The following ZNF875 variants were observed in gnomAD, a reference collection of about 807,000 sequenced individuals.
The protein encoded by ZNF875 is HKR1, GLI-Kruppel zinc finger family member.
A neutral mutation model predicts 11.2 loss-of-function variants in ZNF875; 14 were observed. That is an observed-to-expected ratio of 1.26 (90% CI 0.83 to 1.96). The LOEUF (loss-of-function observed/expected upper bound fraction) is 1.96. Among genes scored for constraint, ZNF875 ranks in the 30% most tolerant of loss-of-function variants. ZNF875 has a pLI of 0.00. For synonymous variants in ZNF875, 301 were observed against 281.1 expected, an observed-to-expected ratio of 1.07 and a Z score of -0.71; for missense variants, 752 against 760.4, an observed-to-expected ratio of 0.99 and a Z score of 0.13.
intron 4 of ZNF875, among the ~76,000 whole-genome samples, chr19:37,325,240 C>T (rs377121367): frequency 3.3e-5 from 5 of 152,156 alleles, no homozygotes; most frequent in Non-Finnish European, 5.9e-5. Context: ...CGTCCACACC[C>T]GAATCTCCTG....
chr19:37,320,447 T>C (rs566272662), intron 1 of ZNF875, among the ~76,000 whole-genome samples: 23 of 152,366 alleles, frequency 1.5e-4, no homozygotes, highest in Admixed American at 6.5e-4. Context: ...GATGTGCTAC[T>C]TGCTATTGTT....
In ZNF875 at chr19:37,327,072, A is replaced by C. The variant is rs181102375; in HGVS notation, c.-603+2807A>C. 2.0e-3 allele frequency among the ~76,000 whole-genome samples: 308 copies of C among 151,556 alleles called. 3 individuals are homozygous for C. The highest frequency in any genetic ancestry group is 7.0e-3 in the African/African-American group (290 of 41,276). On this transcript the variant is annotated intron_variant, in intron 4 of 5. Transcript: ENST00000544914. The stretch of plus-strand genomic sequence containing the variant: ...CAATGGCAGGTCTCGGATCCCTGCA[A>C]CCTCTGCCTCCTGGGTCCAAGCAGT...
In ZNF875 at chr19:37,362,181, A is replaced by G. The variant is rs1398773150; in HGVS notation, c.329A>G (p.His110Arg). 2 of 1,614,110 alleles carry G rather than the reference A, an allele frequency of 1.2e-6. No individual in the cohort carries two copies. The highest frequency in any genetic ancestry group is 1.7e-6 in the Non-Finnish European group (2 of 1,179,996). Residue 110 changes from histidine (H) to arginine (R), a missense_variant, in exon 5 of 5, where the codon CAT (histidine) becomes CGT (arginine). By Grantham distance (29) the His-to-Arg change is conservative. Transcript: ENST00000392153. ...TCCAGTCAGCAAGCTCTCAGCCAACATGTGTGGCTGAGTCATCTCTCTCAG... is the reference window on the plus strand; with the variant it reads ...TCCAGTCAGCAAGCTCTCAGCCAACGTGTGTGGCTGAGTCATCTCTCTCAG... ...IFSSQQALSQHVWLSHLSQLF... is the reference protein window; with the variant it reads ...IFSSQQALSQRVWLSHLSQLF...
upstream of ZNF875, among the ~76,000 whole-genome samples, chr19:37,313,963 T>G (rs2030071456): frequency 6.6e-6 from 1 of 152,220 alleles, no homozygotes; most frequent in South Asian, 2.1e-4. Context: ...TCACAATTCT[T>G]ATAACTCAGA....
At chr19:37,341,678 T>C (rs1354501653) in intron 2 of ZNF875, among the ~76,000 whole-genome samples, 5 of 152,124 alleles carry the variant, frequency 3.3e-5, no homozygotes, top group Non-Finnish European at 5.9e-5. Flanking sequence ...ACCCTTACCA[T>C]GTGCAAGATT....
intron 2 of ZNF875, among the ~76,000 whole-genome samples, chr19:37,342,436 A>T (rs548558442): frequency 1.4e-5 from 2 of 139,802 alleles, no homozygotes; most frequent in East Asian, 4.2e-4. Context: ...TTTTGAGATG[A>T]AGTTTCACTC....
intron 4 of ZNF875, 39 bp downstream of exon 4, chr19:37,347,911 C>T: frequency 8.3e-7 from 1 of 1,199,048 alleles, no homozygotes; most frequent in Non-Finnish European, 1.2e-6. Flanking sequence ...TAATCCACAG[C>T]TTGGCAGATA....
chr19:37,358,129 T>C (rs1326218201), intron 4 of ZNF875: 1 of 304,938 alleles, frequency 3.3e-6, no homozygotes, highest in African/African-American at 2.2e-5. Context: ...TCTATTAAGA[T>C]GATCTTTTTT....
At chr19:37,326,368 C>T (rs2032436190) in intron 4 of ZNF875, among the ~76,000 whole-genome samples, 1 of 152,138 alleles carries the variant, frequency 6.6e-6, no homozygotes, top group South Asian at 2.1e-4. Flanking sequence ...CTGTGACTAT[C>T]GTGTCCCTCC....
At chr19:37,325,853 A>T (rs551409600) in intron 4 of ZNF875, among the ~76,000 whole-genome samples, 1 of 152,008 alleles carries the variant, frequency 6.6e-6, no homozygotes, top group Non-Finnish European at 1.5e-5. Flanking sequence ...GACCACAAAC[A>T]TGTGCCACCA....
At chr19:37,315,390 A>C (rs2030137548), upstream of ZNF875, 1 of 152,240 alleles carries the variant, frequency 6.6e-6, no homozygotes, top group African/African-American at 2.4e-5. Context: ...CAAGGTTTTT[A>C]TACATATTTT....
Position 37,347,191 on chromosome 19 carries a change from C to T in ZNF875, c.35C>T (p.Ala12Val), listed in dbSNP as rs770179132. 8 of 1,613,780 alleles carry T rather than the reference C, an allele frequency of 5.0e-6. No homozygotes were observed. The South Asian group carries it at 6.6e-5, about 13-fold the overall frequency. The change falls in exon 3 of 5, where the codon GCG (alanine) becomes GTG (valine). Residue 12 changes from alanine to valine, a missense_variant and splice_region_variant. Coordinates refer to ENST00000392153, the MANE Select transcript of ZNF875 (RefSeq NM_001353803.2). ...GCAGAGGTGTGTTTTGTGTTAAAGG[C>T]GTTCGTGGCATTCAGGGATGTGGCT... is the stretch of plus-strand genomic sequence containing the variant. ...ATGLLRAKKE[A>V]FVAFRDVAVY...
intron 4 of ZNF875, among the ~76,000 whole-genome samples, chr19:37,327,165 G>A (rs560242917): frequency 5.9e-5 from 9 of 151,746 alleles, no homozygotes; most frequent in African/African-American, 2.2e-4. Flanking sequence ...GCTAATTTTT[G>A]TATTTTTAGT....
intron 4 of ZNF875, among the ~76,000 whole-genome samples, chr19:37,326,537 G>A (rs2032469310): frequency 1.3e-5 from 2 of 151,558 alleles, no homozygotes; most frequent in Non-Finnish European, 2.9e-5. Context: ...TTTTGTCTTG[G>A]TTGGGTATTT....
rs1284087183 is a variant in ZNF875, at chr19:37,363,602, G to T, written c.1750G>T (p.Gly584Trp). 2 of 1,613,800 alleles carry T rather than the reference G, an allele frequency of 1.2e-6. No homozygotes were observed. The highest frequency in any genetic ancestry group is 1.7e-5 in the Admixed American group (1 of 59,990). The change falls in exon 5 of 5, where the codon GGG (glycine) becomes TGG (tryptophan). Residue 584 changes from glycine to tryptophan, a missense_variant. Gly to Trp is a radical substitution (Grantham distance 184). Coordinates refer to ENST00000392153, the MANE Select transcript of ZNF875 (RefSeq NM_001353803.2). ...CATTAAACACCAGAGAGCACACGCA[G>T]GGGGGAAGCCTCATGTGTGCAGGGA... is the stretch of plus-strand genomic sequence containing the variant. ...TLIKHQRAHA[G>W]GKPHVCRECG... is the part of the protein sequence containing the mutation.
intron 1 of ZNF875, among the ~76,000 whole-genome samples, chr19:37,319,934 T>G (rs2031040159): frequency 6.6e-6 from 1 of 152,232 alleles, no homozygotes. Flanking sequence ...TCACCCAGGC[T>G]GGAGTGTAGT....
At chr19:37,335,072 C>T (rs1055547097) in intron 1 of ZNF875, 97 bp from the exon 2 acceptor site, 40 of 610,122 alleles carry the variant, frequency 6.6e-5, no homozygotes, top group Non-Finnish European at 1.1e-4. Flanking sequence ...CTGTGACATC[C>T]CAGACCCCAA....
chr19:37,334,217 T>C (rs983574134), upstream of ZNF875, among the ~76,000 whole-genome samples: 1 of 152,152 alleles, frequency 6.6e-6, no homozygotes, highest in African/African-American at 2.4e-5. Context: ...GCCTCCAAAC[T>C]GGTGGTTCCC....
chr19:37,331,637 A>C (rs2033411705), upstream of ZNF875, among the ~76,000 whole-genome samples: 2 of 147,754 alleles, frequency 1.4e-5, 1 homozygote, highest in South Asian at 4.5e-4. Context: ...GCTCCTTAAG[A>C]GTCATCACCA....
Sources: allele counts gnomAD v4.1 joint callset (sites outside exome capture counted in the v4.1 genomes callset), GRCh38; gene constraint gnomAD v4.1.1; transcripts MANE v1.5; gene names NCBI Gene and HGNC (gene_info 2026-07-23, HGNC 2026-07-21).